TENM1: variants seen among roughly 807,000 people sequenced by gnomAD.
TENM1 encodes teneurin transmembrane protein 1.
A neutral mutation model predicts 174.8 loss-of-function variants in TENM1; 35 were observed. The ratio of observed to expected loss-of-function variants is 0.20; its 90% confidence interval spans 0.15 to 0.27. The LOEUF is 0.27. Among genes scored for constraint, TENM1 ranks in the 10% least tolerant of loss-of-function variants. The probability of loss-of-function intolerance (pLI) is 1.00; values close to 1 mark genes in which losing one functional copy is unlikely to be tolerated. For missense variants in TENM1, 1,633 were observed against 2,130.1 expected (o/e 0.77, Z 4.59); for synonymous variants, 781 against 798.7 (o/e 0.98, Z 0.37).
chrX:124,591,830 C>T (rs1294343180), intron 11 of TENM1, among the ~76,000 whole-genome samples: 1 of 111,813 alleles, frequency 8.9e-6, no homozygotes, highest in Non-Finnish European at 1.9e-5. Flanking sequence ...CAGGTTTTTG[C>T]TTTTTCTCCT....
intron 10 of TENM1, among the ~76,000 whole-genome samples, chrX:124,643,772 C>T (rs1029790463): frequency 2.7e-5 from 3 of 109,450 alleles, no homozygotes; most frequent in Non-Finnish European, 5.7e-5. Flanking sequence ...TTAGTGACCC[C>T]GGAGAAGACA....
the TENM1 span, among the ~76,000 whole-genome samples, chrX:125,198,656 A>G: frequency 9.0e-6 from 1 of 111,622 alleles, no homozygotes; most frequent in African/African-American, 3.3e-5. Flanking sequence ...CCAGCCTTTT[A>G]CAGCAGTTAC....
chrX:125,200,246 C>T, the TENM1 span, among the ~76,000 whole-genome samples: 1 of 111,611 alleles, frequency 9.0e-6, no homozygotes, highest in South Asian at 3.7e-4. Context: ...AAAATAATAG[C>T]AATCTCCATT....
At chrX:124,566,065 C>G (rs909168380) in intron 11 of TENM1, among the ~76,000 whole-genome samples, 1 of 111,585 alleles carries the variant, frequency 9.0e-6, no homozygotes, top group Non-Finnish European at 1.9e-5. Flanking sequence ...GATAATGTTG[C>G]AGGAATTTTA....
Position 124,414,395 on chromosome X carries a change from T to G in TENM1, c.4982+5916A>C, listed in dbSNP as rs773757007. 2.7e-5 allele frequency among the ~76,000 whole-genome samples: 3 copies of G among 111,697 alleles called. No individual in the cohort carries two copies. In the East Asian group the frequency reaches 8.5e-4, roughly 32 times the overall value. On this transcript the variant is annotated intron_variant, in intron 25 of 31. Coordinates refer to ENST00000422452, the Ensembl canonical transcript of TENM1. ...GGCATCCTGGCTACTTTTGCAGCCT[T>G]GTGGAGAAAGGCTTGTCTGCTGTGC...
chrX:125,094,701 T>C, the TENM1 span, among the ~76,000 whole-genome samples: 12 of 112,103 alleles, frequency 1.1e-4, no homozygotes, highest in East Asian at 3.1e-3. Flanking sequence ...GTGGTGACTG[T>C]GTGAAACAGA....
chrX:124,519,112 G>A (rs2148038729), intron 18 of TENM1, among the ~76,000 whole-genome samples: 1 of 111,979 alleles, frequency 8.9e-6, no homozygotes, highest in South Asian at 3.7e-4. Flanking sequence ...GTGGGAAGCA[G>A]TGGACTTGGA....
the TENM1 span, among the ~76,000 whole-genome samples, chrX:125,109,549 A>G: frequency 1.8e-5 from 2 of 110,751 alleles, no homozygotes; most frequent in Non-Finnish European, 3.8e-5. Flanking sequence ...CACTCCCCCA[A>G]ACACGCAGGA....
the TENM1 span, among the ~76,000 whole-genome samples, chrX:125,023,719 T>C: frequency 9.0e-6 from 1 of 111,636 alleles, no homozygotes; most frequent in Non-Finnish European, 1.9e-5. Context: ...TGGTCACTAG[T>C]AGAGGAGACA....
chrX:124,649,693 A>G (rs1460850800), intron 8 of TENM1, among the ~76,000 whole-genome samples: 1 of 112,119 alleles, frequency 8.9e-6, no homozygotes, highest in Admixed American at 9.5e-5. Context: ...CCAGTGTTTG[A>G]CCTATATTAG....
chrX:125,018,791 A>T, the TENM1 span, among the ~76,000 whole-genome samples: 292 of 111,539 alleles, frequency 2.6e-3, 1 homozygote, highest in African/African-American at 9.1e-3. Context: ...CATGTAAGGA[A>T]GTTTAAAGGC....
At chrX:124,485,882 G>C (rs2046942226) in intron 21 of TENM1, among the ~76,000 whole-genome samples, 1 of 111,880 alleles carries the variant, frequency 8.9e-6, no homozygotes, top group Non-Finnish European at 1.9e-5. Flanking sequence ...CAGCGTTCCT[G>C]CTTTCTAATG....
At chrX:125,120,775 CA>C in the TENM1 span, among the ~76,000 whole-genome samples, 1 of 111,262 alleles carries the variant, frequency 9.0e-6, no homozygotes, top group Non-Finnish European at 1.9e-5. Flanking sequence ...TAAAATATAT[CA>C]CCAGTTAATC....
intron 25 of TENM1, among the ~76,000 whole-genome samples, chrX:124,406,716 G>T (rs2060466280): frequency 9.0e-6 from 1 of 110,936 alleles, no homozygotes; most frequent in African/African-American, 3.3e-5. Context: ...CTGTTTTACA[G>T]AAAAAATATA....
chrX:125,168,182 T>C, the TENM1 span, among the ~76,000 whole-genome samples: 1 of 111,874 alleles, frequency 8.9e-6, no homozygotes, highest in South Asian at 3.7e-4. Flanking sequence ...CTTCTGGAAT[T>C]GTGCATTGTA....
At chrX:124,970,848 G>A in the TENM1 span, among the ~76,000 whole-genome samples, 1 of 110,641 alleles carries the variant, frequency 9.0e-6, no homozygotes, top group African/African-American at 3.3e-5. Context: ...TATGTTCATG[G>A]CGGCACTATT....
the TENM1 span, among the ~76,000 whole-genome samples, chrX:125,075,213 A>T: frequency 9.0e-6 from 1 of 111,647 alleles, no homozygotes; most frequent in African/African-American, 3.3e-5. Context: ...AATATTTGAC[A>T]TGAATGAGAT....
At chrX:124,631,665 T>A (rs2050758224) in intron 11 of TENM1, among the ~76,000 whole-genome samples, 2 of 109,964 alleles carry the variant, frequency 1.8e-5, no homozygotes, top group Admixed American at 1.9e-4. Flanking sequence ...TTTGGGAGGC[T>A]GAGGCAGCCG....
At chrX:124,755,443 AT>A (rs1040496190) in intron 3 of TENM1, among the ~76,000 whole-genome samples, 5 of 110,847 alleles carry the variant, frequency 4.5e-5, no homozygotes, top group Non-Finnish European at 7.5e-5. Flanking sequence ...TCTTTATCCA[AT>A]TTGCCAGTCT....
Sources: gnomAD v4.1 joint callset for allele counts (sites outside exome capture counted in the v4.1 genomes callset) on GRCh38, gnomAD v4.1.1 for gene constraint, MANE v1.5 for transcripts, NCBI Gene and HGNC (gene_info 2026-07-23, HGNC 2026-07-21) for gene names.